The following ZBTB20 variants were observed in gnomAD, a reference collection of about 807,000 sequenced individuals.
The protein encoded by ZBTB20 is zinc finger and BTB domain containing 20.
In ZBTB20, 9 loss-of-function variants were observed where a neutral mutation model predicts 56.9. The observed-to-expected ratio is 0.16, with a 90% CI of 0.10 to 0.28. The LOEUF is 0.28. Ranked by LOEUF, ZBTB20 falls within the 10% of genes least tolerant of loss-of-function variation. ZBTB20 has a pLI of 1.00. For synonymous variants in ZBTB20, 417 were observed against 420.7 expected (o/e 0.99, Z 0.11); for missense variants, 655 against 1,003.0 (o/e 0.65, Z 4.69).
chr3:114,894,213 T>G (rs1397314657), intron 4 of ZBTB20, among the ~76,000 whole-genome samples: 2 of 152,216 alleles, frequency 1.3e-5, no homozygotes, highest in African/African-American at 2.4e-5. Flanking sequence ...TCTGACATTT[T>G]GTTTTCTCAC....
At chr3:114,693,373 T>C (rs1401503108) in intron 6 of ZBTB20, among the ~76,000 whole-genome samples, 155 bp downstream of exon 6, 2 of 152,146 alleles carry the variant, frequency 1.3e-5, no homozygotes, top group African/African-American at 4.8e-5. Context: ...AATGTCAAAA[T>C]ATGTTCTGTC....
intron 2 of ZBTB20, among the ~76,000 whole-genome samples, chr3:115,064,952 A>C (rs2082154461): frequency 6.6e-6 from 1 of 152,116 alleles, no homozygotes; most frequent in African/African-American, 2.4e-5. Flanking sequence ...TTTTATGGGC[A>C]CTCAGAAGAT....
intron 6 of ZBTB20, among the ~76,000 whole-genome samples, chr3:114,549,188 C>T (rs1393818223): frequency 1.3e-5 from 2 of 152,244 alleles, no homozygotes; most frequent in East Asian, 1.9e-4. Flanking sequence ...ATTTTATGTG[C>T]TCATTTCAGA....
Position 114,316,351 on chromosome 3 carries a change from G to T in ZBTB20, c.*22654C>A. 1 of 400,708 alleles carries T rather than the reference G, an allele frequency of 2.5e-6. No homozygotes were observed. The allele number at this position is 400,708 out of a possible 1,614,324, so 24.8% of individuals were successfully genotyped here. ...GCAAGTAGCTGTTTTTATTTTTTGT[G>T]ATCTGTTGCAAGAGTCCAACCTTGT... On this transcript the variant is annotated 3_prime_UTR_variant, in exon 12 of 12. Coordinates refer to ENST00000675478, the MANE Select transcript of ZBTB20 (RefSeq NM_001348800.3).
intron 1 of ZBTB20, among the ~76,000 whole-genome samples, chr3:115,114,001 T>C (rs1359276731): frequency 2.6e-5 from 4 of 152,052 alleles, no homozygotes; most frequent in Non-Finnish European, 5.9e-5. Flanking sequence ...TAATTATTTA[T>C]AATATACATA....
At chr3:114,801,603 T>G (rs2071728692) in intron 4 of ZBTB20, among the ~76,000 whole-genome samples, 1 of 151,804 alleles carries the variant, frequency 6.6e-6, no homozygotes, top group South Asian at 2.1e-4. Context: ...ATACACATAT[T>G]AAAGGGAAAT....
At chr3:114,596,912 T>A (rs991847314) in intron 6 of ZBTB20, among the ~76,000 whole-genome samples, 1 of 152,184 alleles carries the variant, frequency 6.6e-6, no homozygotes. Context: ...ACACTTTTAA[T>A]CATTTCATTG....
At chr3:114,466,647 G>A (rs1383248975) in intron 7 of ZBTB20, among the ~76,000 whole-genome samples, 1 of 152,200 alleles carries the variant, frequency 6.6e-6, no homozygotes, top group East Asian at 1.9e-4. Context: ...GATAGTTTGG[G>A]CAGGTGGATG....
intron 5 of ZBTB20, among the ~76,000 whole-genome samples, chr3:114,735,434 G>C (rs886244114): frequency 6.6e-6 from 1 of 152,002 alleles, no homozygotes; most frequent in African/African-American, 2.4e-5. Context: ...TTAGACCACT[G>C]TATACAGCAG....
At chr3:114,360,912 A>AG (rs2081799991) in intron 10 of ZBTB20, among the ~76,000 whole-genome samples, 1 of 152,104 alleles carries the variant, frequency 6.6e-6, no homozygotes, top group Non-Finnish European at 1.5e-5. Context: ...GCTCATACTG[A>AG]GATGAAGAAT....
intron 1 of ZBTB20, among the ~76,000 whole-genome samples, chr3:115,094,005 C>G (rs2083291334): frequency 6.6e-6 from 1 of 151,900 alleles, no homozygotes; most frequent in Non-Finnish European, 1.5e-5. Context: ...AAGCACCAAC[C>G]CCTCAGCTAC....
At position 115,023,000 on chromosome 3, in the gene ZBTB20, G is replaced by T. The variant is rs79064242; in HGVS notation, c.-507+48219C>A. Among the ~76,000 whole-genome samples, 628 of 151,042 alleles carry T rather than the reference G, an allele frequency of 4.2e-3. 5 individuals are homozygous for T. The highest frequency in any genetic ancestry group is 0.014 in the African/African-American group (586 of 41,384). On this transcript the variant is annotated intron_variant, in intron 2 of 11. Transcript: ENST00000675478. ...TGAAGATGAAGAAACAATGAGACCAGCCCTGACTCATGAACAAATAGTGAG... is the reference window on the plus strand; with the variant it reads ...TGAAGATGAAGAAACAATGAGACCATCCCTGACTCATGAACAAATAGTGAG...
At chr3:114,472,936 G>T (rs1225879401) in intron 7 of ZBTB20, among the ~76,000 whole-genome samples, 2 of 152,208 alleles carry the variant, frequency 1.3e-5, no homozygotes, top group Admixed American at 1.3e-4. Context: ...TCACCTGTTG[G>T]ACTGGAATCT....
chr3:114,462,313 G>A (rs1050549848), intron 7 of ZBTB20, among the ~76,000 whole-genome samples: 1 of 152,202 alleles, frequency 6.6e-6, no homozygotes, highest in Admixed American at 6.5e-5. Context: ...TTTAAAGGGT[G>A]TGATGCTGAA....
At chr3:114,640,671 GC>G (rs1406448078) in intron 6 of ZBTB20, among the ~76,000 whole-genome samples, 2 of 151,966 alleles carry the variant, frequency 1.3e-5, no homozygotes, top group East Asian at 3.9e-4. Flanking sequence ...CTGTATATAA[GC>G]TTTAAAAAAG....
intron 1 of ZBTB20, among the ~76,000 whole-genome samples, chr3:115,082,398 G>A (rs1208666041): frequency 6.6e-6 from 1 of 152,122 alleles, no homozygotes; most frequent in Non-Finnish European, 1.5e-5. Flanking sequence ...GAGTGTGCGC[G>A]TGTCTGGATC....
At chr3:114,667,183 C>A (rs888891701) in intron 6 of ZBTB20, among the ~76,000 whole-genome samples, 1 of 151,974 alleles carries the variant, frequency 6.6e-6, no homozygotes, top group Non-Finnish European at 1.5e-5. Flanking sequence ...ATAACTCCTC[C>A]ATGCTTAGCG....
intron 6 of ZBTB20, among the ~76,000 whole-genome samples, chr3:114,511,875 T>C (rs2109814841): frequency 6.6e-6 from 1 of 152,240 alleles, no homozygotes; most frequent in African/African-American, 2.4e-5. Context: ...TATTTTTATT[T>C]ATACTGGTCA....
intron 10 of ZBTB20, among the ~76,000 whole-genome samples, chr3:114,358,070 C>T (rs1010648622): frequency 4.6e-5 from 7 of 152,082 alleles, no homozygotes; most frequent in African/African-American, 1.7e-4. Flanking sequence ...GACAAATCCA[C>T]AGAAGAATTA....
Sources: gnomAD v4.1 joint callset for allele counts (sites outside exome capture counted in the v4.1 genomes callset) on GRCh38, gnomAD v4.1.1 for gene constraint, MANE v1.5 for transcripts, NCBI Gene and HGNC (gene_info 2026-07-23, HGNC 2026-07-21) for gene names.